The following FHIP1A variants were observed in gnomAD, a reference collection of about 807,000 sequenced individuals.
FHIP1A encodes the protein FHF complex subunit HOOK-interacting protein 1A.
In FHIP1A, 61 loss-of-function variants were observed where a neutral mutation model predicts 88.6. The ratio of observed to expected loss-of-function variants is 0.69; its 90% confidence interval spans 0.56 to 0.85. The LOEUF is 0.85. FHIP1A is among the 40% of genes least tolerant of loss of function. The pLI, the probability that FHIP1A is intolerant of heterozygous loss-of-function variation, is 0.00. For missense variants in FHIP1A, 1,154 were observed against 1,273.5 expected (o/e 0.91, Z 1.43); for synonymous variants, 478 against 496.0 (o/e 0.96, Z 0.48).
At chr4:151,660,163 C>T (rs1237367620) in intron 13 of FHIP1A, among the ~76,000 whole-genome samples, 1 of 152,202 alleles carries the variant, frequency 6.6e-6, no homozygotes, top group Non-Finnish European at 1.5e-5. Context: ...CTTGGTGACA[C>T]ACTGAAAGGC....
rs563136848 is a variant in FHIP1A at position 151,453,640 on chromosome 4, C to G, written c.-355-1061C>G. Among the ~76,000 whole-genome samples, 89 of 152,250 alleles carry G rather than the reference C, an allele frequency of 5.8e-4. 1 individual carries two copies. Among genetic ancestry groups the G allele is most frequent in the Non-Finnish European group, 2.9e-5 (2 of 68,012 alleles). On this transcript the variant is annotated intron_variant, in intron 1 of 13. Transcript: ENST00000435205. Reference sequence around the variant, plus strand: ...AACCTGATTTCGGATCACCTGAGGTCGGGAGTTCGAGACCAGCTCGACCAA... The same window carrying G: ...AACCTGATTTCGGATCACCTGAGGTGGGGAGTTCGAGACCAGCTCGACCAA...
rs532201080 is a variant in FHIP1A, at chr4:151,615,524, T to C, written c.979-14178T>C. Among the ~76,000 whole-genome samples, 26 of 152,312 alleles carry C rather than the reference T, an allele frequency of 1.7e-4. No individual in the cohort carries two copies. The South Asian group carries it at 5.2e-3, about 30-fold the overall frequency. ...GAACTACTATTAATAGTGGTAGTAA[T>C]TGATGATAATGGCCTGTATGTCCAC... On this transcript the variant is annotated intron_variant, in intron 7 of 13. Coordinates refer to ENST00000435205, the MANE Select transcript of FHIP1A (RefSeq NM_001109977.3).
At chr4:151,427,376 G>A (rs530385715) in intron 1 of FHIP1A, among the ~76,000 whole-genome samples, 2 of 151,998 alleles carry the variant, frequency 1.3e-5, no homozygotes, top group Non-Finnish European at 2.9e-5. Context: ...CTTAAAATTA[G>A]ACTGTCTTTT....
chr4:151,500,620 A>G (rs11935848), intron 3 of FHIP1A, among the ~76,000 whole-genome samples: 54,768 of 151,884 alleles, frequency 0.36, 10,348 homozygotes, highest in Non-Finnish European at 0.43. Flanking sequence ...ATTTATTTAT[A>G]TGTCAAGTAA....
At chr4:151,539,562 T>TAAA (rs1215200409) in intron 3 of FHIP1A, among the ~76,000 whole-genome samples, 5 of 102,562 alleles carry the variant, frequency 4.9e-5, no homozygotes, top group South Asian at 3.5e-4. Flanking sequence ...AGACTCTGTC[T>TAAA]AAAAAAAAAA....
At chr4:151,648,886 C>A (rs189675441) in intron 10 of FHIP1A, among the ~76,000 whole-genome samples, 51 of 152,160 alleles carry the variant, frequency 3.4e-4, no homozygotes, top group Admixed American at 2.0e-3. Context: ...ACATAAGCAG[C>A]ATTCTTGGGT....
chr4:151,584,123 T>C (rs1430706469), intron 5 of FHIP1A, among the ~76,000 whole-genome samples: 1 of 152,164 alleles, frequency 6.6e-6, no homozygotes, highest in Admixed American at 6.5e-5. Flanking sequence ...AAATGGTTCA[T>C]CTGTTTGTCT....
chr4:151,548,944 G>T (rs1258151399), intron 3 of FHIP1A, among the ~76,000 whole-genome samples: 1 of 152,212 alleles, frequency 6.6e-6, no homozygotes, highest in Admixed American at 6.5e-5. Context: ...TGGAACAATG[G>T]TGAGAGCACA....
chr4:151,586,090 A>T (rs1258601670), intron 5 of FHIP1A, among the ~76,000 whole-genome samples: 1 of 152,166 alleles, frequency 6.6e-6, no homozygotes, highest in Non-Finnish European at 1.5e-5. Context: ...AACTGCAAAC[A>T]TGCAGCTGTC....
chr4:151,514,553 C>T (rs1463610805), intron 3 of FHIP1A, among the ~76,000 whole-genome samples: 6 of 151,740 alleles, frequency 4.0e-5, no homozygotes, highest in Admixed American at 1.3e-4. Flanking sequence ...TGATAGACCG[C>T]TAGCAAGACT....
rs1737657625 is a variant in FHIP1A, at chr4:151,666,148, TG to T, written c.*3395del. ...GATTTTTTGGAAATGGCCAAGTAAA[TG>T]TTTTTTAAAATTTTACACAAAGAAA... is the stretch of plus-strand genomic sequence containing the variant. On this transcript the variant is annotated 3_prime_UTR_variant, in exon 14 of 14. Transcript: ENST00000435205. 6.6e-6 allele frequency among the ~76,000 whole-genome samples: 1 copy of T among 152,234 alleles called. No individual in the cohort carries two copies. Among genetic ancestry groups the T allele is most frequent in the African/African-American group, 2.4e-5 (1 of 41,458 alleles).
chr4:151,529,772 A>C (rs559216931), intron 3 of FHIP1A, among the ~76,000 whole-genome samples: 1 of 152,218 alleles, frequency 6.6e-6, no homozygotes, highest in South Asian at 2.1e-4. Flanking sequence ...AACTGAGGAA[A>C]TTGGAGCCAA....
chr4:151,414,951 C>T (rs935838091), intron 1 of FHIP1A, among the ~76,000 whole-genome samples: 13 of 152,194 alleles, frequency 8.5e-5, no homozygotes, highest in African/African-American at 2.9e-4. Context: ...TCTGGATAAA[C>T]TGCTATAAAT....
At chr4:151,629,554 C>T in intron 7 of FHIP1A, 148 bp from the exon 8 acceptor site, 1 of 614,302 alleles carries the variant, frequency 1.6e-6, no homozygotes, top group Admixed American at 2.9e-5. Flanking sequence ...AGGTTATGGG[C>T]TTCAATAAAG....
At chr4:151,579,372 C>T (rs772351165) in intron 5 of FHIP1A, among the ~76,000 whole-genome samples, 8 of 152,156 alleles carry the variant, frequency 5.3e-5, no homozygotes, top group Non-Finnish European at 7.3e-5. Context: ...TGGGATATCT[C>T]TGTACCTTCC....
intron 2 of FHIP1A, among the ~76,000 whole-genome samples, chr4:151,472,709 G>A (rs761416672): frequency 5.3e-5 from 8 of 150,272 alleles, no homozygotes; most frequent in Non-Finnish European, 8.9e-5. Flanking sequence ...AATTTTGTCA[G>A]CCACTCTGTT....
At chr4:151,575,868 A>G (rs895751166) in intron 4 of FHIP1A, among the ~76,000 whole-genome samples, 11 of 152,184 alleles carry the variant, frequency 7.2e-5, no homozygotes, top group African/African-American at 2.7e-4. Context: ...ACTTGCAAAA[A>G]TTCCATAACC....
chr4:151,519,212 G>C (rs948206673), intron 3 of FHIP1A, among the ~76,000 whole-genome samples: 3 of 152,236 alleles, frequency 2.0e-5, no homozygotes, highest in Admixed American at 6.5e-5. Flanking sequence ...CACCCTGGAA[G>C]GTTCCCTTCT....
chr4:151,415,223 G>C (rs1371833190), intron 1 of FHIP1A, among the ~76,000 whole-genome samples: 1 of 147,414 alleles, frequency 6.8e-6, no homozygotes, highest in Non-Finnish European at 1.5e-5. Context: ...GTCTTGCTCT[G>C]TCACCCAGGC....
Sources: gnomAD v4.1 joint callset for allele counts (sites outside exome capture counted in the v4.1 genomes callset) on GRCh38, gnomAD v4.1.1 for gene constraint, MANE v1.5 for transcripts, NCBI Gene and HGNC (gene_info 2026-07-23, HGNC 2026-07-21) for gene names.